The following NCAM2 variants were observed in gnomAD, a reference collection of about 807,000 sequenced individuals.
NCAM2 encodes neural cell adhesion molecule 2.
In NCAM2, 30 loss-of-function variants were observed where a neutral mutation model predicts 98.1. That is an observed-to-expected ratio of 0.31 (90% CI 0.23 to 0.41). The LOEUF (loss-of-function observed/expected upper bound fraction) is 0.41, where lower values mean the gene tolerates loss of function less well. Ranked by LOEUF, NCAM2 falls within the 10% of genes least tolerant of loss-of-function variation. The pLI is 1.00. For missense variants in NCAM2, 867 were observed against 1,005.8 expected, an observed-to-expected ratio of 0.86 and a Z score of 1.87; for synonymous variants, 368 against 342.4, an observed-to-expected ratio of 1.07 and a Z score of -0.83.
At chr21:21,529,685 A>G (rs907460234) in intron 16 of NCAM2, among the ~76,000 whole-genome samples, 2 of 152,036 alleles carry the variant, frequency 1.3e-5, no homozygotes, top group South Asian at 2.1e-4. Flanking sequence ...ACCTCTCATG[A>G]TATACCAGAT....
rs1432717019 is a variant in NCAM2 at position 21,460,149 on chromosome 21, T to G, written c.1655-6457T>G. On this transcript the variant is annotated intron_variant, in intron 12 of 17. Transcript: ENST00000400546. ...ATATCATTTTTCTTATTTATCATTT[T>G]TATTTTTGTTTGTATTGAATGTTTT... Among the ~76,000 whole-genome samples the G allele has an allele frequency of 5.9e-5, 9 of 152,104 alleles. No homozygotes were observed. In the East Asian group the frequency reaches 1.7e-3, roughly 29 times the overall value.
intron 1 of NCAM2, among the ~76,000 whole-genome samples, chr21:21,036,402 A>G (rs1308483095): frequency 6.6e-6 from 1 of 152,128 alleles, no homozygotes; most frequent in South Asian, 2.1e-4. Flanking sequence ...GAGCAAAAAT[A>G]TTTTCTTATC....
intron 8 of NCAM2, among the ~76,000 whole-genome samples, chr21:21,366,846 T>C (rs2075798398): frequency 6.6e-6 from 1 of 152,034 alleles, no homozygotes; most frequent in Admixed American, 6.6e-5. Context: ...TTTATCTGTT[T>C]TCCAGTAGGG....
chr21:21,522,632 CT>C (rs61635255), intron 16 of NCAM2, among the ~76,000 whole-genome samples: 52 of 124,744 alleles, frequency 4.2e-4, no homozygotes, highest in African/African-American at 9.5e-4. Context: ...TTTTCTTTTT[CT>C]TTTTTTTTTT....
At chr21:21,372,369 G>A (rs187163822) in intron 8 of NCAM2, among the ~76,000 whole-genome samples, 180 of 151,728 alleles carry the variant, frequency 1.2e-3, no homozygotes, top group African/African-American at 4.2e-3. Flanking sequence ...TTTTGTAAAG[G>A]ATGGAATAAT....
chr21:21,069,011 A>G (rs2065502511), intron 1 of NCAM2, among the ~76,000 whole-genome samples: 1 of 152,198 alleles, frequency 6.6e-6, no homozygotes, highest in African/African-American at 2.4e-5. Context: ...AAAGGGATGC[A>G]ATTTCATGTG....
At chr21:21,341,721 T>C (rs2075043264) in intron 8 of NCAM2, among the ~76,000 whole-genome samples, 1 of 151,724 alleles carries the variant, frequency 6.6e-6, no homozygotes, top group Admixed American at 6.6e-5. Flanking sequence ...TTTTTTTTTT[T>C]TGTCTAAGTT....
chr21:21,516,997 T>C (rs1160168324), intron 16 of NCAM2, among the ~76,000 whole-genome samples: 1 of 152,184 alleles, frequency 6.6e-6, no homozygotes, highest in Non-Finnish European at 1.5e-5. Flanking sequence ...GTCTGGTCCT[T>C]ATCATTCTCT....
At chr21:21,169,355 G>A (rs1396785379) in intron 1 of NCAM2, among the ~76,000 whole-genome samples, 2 of 152,092 alleles carry the variant, frequency 1.3e-5, no homozygotes, top group East Asian at 3.9e-4. Flanking sequence ...GAAGATAACA[G>A]GATAAGATCT....
chr21:21,013,860 C>A (rs2064256379), intron 1 of NCAM2, among the ~76,000 whole-genome samples: 1 of 151,884 alleles, frequency 6.6e-6, no homozygotes, highest in Admixed American at 6.6e-5. Context: ...CATAAAAGTG[C>A]AAGGTGAAGC....
chr21:21,024,528 G>C (rs1401056865), intron 1 of NCAM2, among the ~76,000 whole-genome samples: 2 of 152,140 alleles, frequency 1.3e-5, no homozygotes, highest in Non-Finnish European at 2.9e-5. Context: ...CCAGCACAGA[G>C]AATGGCTTGA....
intron 1 of NCAM2, chr21:21,223,398 A>G (rs1304213456): frequency 2.6e-5 from 4 of 152,096 alleles, no homozygotes; most frequent in African/African-American, 2.4e-5. Context: ...ACTCATTACT[A>G]TCTAGTTATA....
intron 15 of NCAM2, among the ~76,000 whole-genome samples, chr21:21,507,909 C>A (rs542920469): frequency 1.3e-5 from 2 of 151,592 alleles, no homozygotes; most frequent in South Asian, 2.1e-4. Flanking sequence ...AATACATTAT[C>A]ACCAGTTTAT....
chr21:21,500,675 AT>A (rs1224292289), intron 15 of NCAM2, among the ~76,000 whole-genome samples: 2 of 152,152 alleles, frequency 1.3e-5, no homozygotes, highest in African/African-American at 4.8e-5. Context: ...ATTTATACAT[AT>A]ATTTCTAATT....
chr21:21,336,164 C>T (rs1191393683), intron 7 of NCAM2, among the ~76,000 whole-genome samples: 1 of 151,996 alleles, frequency 6.6e-6, no homozygotes, highest in Non-Finnish European at 1.5e-5. Flanking sequence ...GCATATAAAA[C>T]TAGTACTTTA....
chr21:21,175,668 C>G (rs1194437223), intron 1 of NCAM2, among the ~76,000 whole-genome samples: 1 of 152,194 alleles, frequency 6.6e-6, no homozygotes, highest in Non-Finnish European at 1.5e-5. Context: ...GTTGTTAGGT[C>G]TGATAGAAAA....
intron 11 of NCAM2, among the ~76,000 whole-genome samples, chr21:21,428,764 G>A (rs566694821): frequency 6.6e-6 from 1 of 152,206 alleles, no homozygotes; most frequent in Non-Finnish European, 1.5e-5. Flanking sequence ...TCCAGAAAGT[G>A]AAGAGAAGAA....
rs556308564 is a variant in NCAM2, at chr21:21,240,861, A to G, written c.56-39717A>G. 6.6e-5 allele frequency among the ~76,000 whole-genome samples: 10 copies of G among 152,300 alleles called. No homozygotes were observed. The East Asian group carries it at 1.7e-3, about 26-fold the overall frequency. ...ATGGGGATAATTATATATATCTCAC[A>G]GGATTTTGAGGATTAATTAATATTT... On this transcript the variant is annotated intron_variant, in intron 1 of 17. Coordinates refer to ENST00000400546, the MANE Select transcript of NCAM2 (RefSeq NM_004540.5).
intron 1 of NCAM2, among the ~76,000 whole-genome samples, chr21:21,007,748 G>A (rs911728364): frequency 6.6e-6 from 1 of 152,030 alleles, no homozygotes; most frequent in Admixed American, 6.6e-5. Context: ...GGTTTTGGCC[G>A]GGTTCTCTAC....
Sources: gnomAD v4.1 joint callset for allele counts (sites outside exome capture counted in the v4.1 genomes callset) on GRCh38, gnomAD v4.1.1 for gene constraint, MANE v1.5 for transcripts, NCBI Gene and HGNC (gene_info 2026-07-23, HGNC 2026-07-21) for gene names.